ANKRD17: variants seen among roughly 807,000 people sequenced by gnomAD.
ANKRD17 encodes the protein ankyrin repeat domain-containing protein 17.
In ANKRD17, 19 loss-of-function variants were observed where a neutral mutation model predicts 229.7. The ratio of observed to expected loss-of-function variants is 0.08; its 90% CI spans 0.06 to 0.12. The LOEUF (loss-of-function observed/expected upper bound fraction) is 0.12. Ranked by LOEUF, ANKRD17 falls within the 10% of genes least tolerant of loss-of-function variation. The pLI, the probability that ANKRD17 is intolerant of heterozygous loss-of-function variation, is 1.00. For missense variants in ANKRD17, 2,176 were observed against 3,176.8 expected, an observed-to-expected ratio of 0.68 and a Z score of 7.57; for synonymous variants, 1,112 against 1,146.1, an observed-to-expected ratio of 0.97 and a Z score of 0.60.
chr4:73,143,993 G>A (rs1422830812), intron 11 of ANKRD17, among the ~76,000 whole-genome samples: 2 of 152,214 alleles, frequency 1.3e-5, no homozygotes, highest in East Asian at 1.9e-4. Context: ...CTCCTGACTC[G>A]AGGTCCCAAA....
rs35479653 is a variant in ANKRD17 at position 73,246,551 on chromosome 4, CA to C, written c.393+11724del. On this transcript the variant is annotated intron_variant, in intron 1 of 33. Transcript: ENST00000358602. ...TGGCCAGAAGGGTGAGCCCAATTCT[CA>C]AAAAAAACAAAGGTTTAGGTTGGAG... Among the ~76,000 whole-genome samples, 347 of 151,300 alleles carry C rather than the reference CA, an allele frequency of 2.3e-3. 4 individuals carry two copies. Among genetic ancestry groups the C allele is most frequent in the African/African-American group, 7.5e-3 (311 of 41,250 alleles).
chr4:73,219,705 C>T (rs976705353), intron 1 of ANKRD17, among the ~76,000 whole-genome samples: 6 of 152,100 alleles, frequency 3.9e-5, no homozygotes, highest in African/African-American at 7.2e-5. Context: ...TATACCACAA[C>T]CTATAACATC....
chr4:73,180,255 A>G (rs1407730819), intron 1 of ANKRD17, among the ~76,000 whole-genome samples: 1 of 152,178 alleles, frequency 6.6e-6, no homozygotes, highest in Admixed American at 6.5e-5. Flanking sequence ...ATTAATTTGT[A>G]TAAAAGAAGA....
Position 73,092,246 on chromosome 4 carries a change from C to T in ANKRD17, c.5382G>A (p.Lys1794=). 1.2e-6 allele frequency: 2 copies of T among 1,614,030 alleles called. No homozygotes were observed. The highest frequency in any genetic ancestry group is 1.7e-6 in the Non-Finnish European group (2 of 1,180,002). ...QATQLINALI[K]DPDKEIDELI... Reference sequence around the variant, plus strand: ...GTTCATCAATTTCTTTGTCTGGATCCTTGATCAAAGCATTAATCAATTGAG... The same window carrying T: ...GTTCATCAATTTCTTTGTCTGGATCTTTGATCAAAGCATTAATCAATTGAG... Residue 1794 remains lysine (K), a synonymous_variant, in exon 29 of 34, where the codon AAG becomes AAA. Coordinates refer to ENST00000358602, the MANE Select transcript of ANKRD17 (RefSeq NM_032217.5).
At chr4:73,078,462 G>A (rs567937506) in intron 31 of ANKRD17, among the ~76,000 whole-genome samples, 180 bp downstream of exon 31, 7 of 152,042 alleles carry the variant, frequency 4.6e-5, no homozygotes, top group East Asian at 1.9e-4. Context: ...CGCTTGAACC[G>A]GGGAGGTGGA....
At chr4:73,128,510 A>G (rs1389167264) in intron 16 of ANKRD17, among the ~76,000 whole-genome samples, 1 of 152,250 alleles carries the variant, frequency 6.6e-6, no homozygotes, top group Non-Finnish European at 1.5e-5. Flanking sequence ...GGAAAATTTT[A>G]GTGGATCAGT....
At chr4:73,185,448 A>C (rs1286442441) in intron 1 of ANKRD17, among the ~76,000 whole-genome samples, 1 of 151,982 alleles carries the variant, frequency 6.6e-6, no homozygotes, top group African/African-American at 2.4e-5. Context: ...AAAACAAATA[A>C]TCCCCACACT....
At chr4:73,221,235 G>A (rs191373355) in intron 1 of ANKRD17, among the ~76,000 whole-genome samples, 126 of 152,032 alleles carry the variant, frequency 8.3e-4, no homozygotes, top group African/African-American at 3.0e-3. Flanking sequence ...TGAGAATTAG[G>A]AAAACTAAAA....
intron 1 of ANKRD17, among the ~76,000 whole-genome samples, chr4:73,208,913 A>G (rs1739873574): frequency 6.6e-6 from 1 of 152,158 alleles, no homozygotes; most frequent in Non-Finnish European, 1.5e-5. Context: ...TCAATTAAAC[A>G]AAAAATGAAC....
In ANKRD17 at chr4:73,139,780, C is replaced by T. The variant is rs1274101867; in HGVS notation, c.2836G>A (p.Ala946Thr). Residue 946 changes from alanine to threonine, a missense_variant, in exon 15 of 34, where the codon GCT (alanine) becomes ACT (threonine). Ala to Thr is a moderately conservative substitution (Grantham distance 58, BLOSUM62 0). Around this residue, in one of 18 missense-constraint regions of ANKRD17, gnomAD observed 230 missense variants for 252.3 expected, o/e 0.91. Transcript: ENST00000358602. ...LLKDEPQQTA[A>T]QMGFAPIQPL... is the part of the protein sequence containing the mutation. The stretch of plus-strand genomic sequence containing the variant: ...TGGATTGGCGCAAAACCCATCTGAG[C>T]AGCAGTCTGCTGGGGTTCATCTTTA... The T allele has an allele frequency of 6.2e-7, 1 of 1,614,202 alleles. No homozygotes were observed. The highest frequency in any genetic ancestry group is 8.5e-7 in the Non-Finnish European group (1 of 1,180,032).
chr4:73,217,227 C>T (rs1741191993), intron 1 of ANKRD17, among the ~76,000 whole-genome samples: 1 of 152,168 alleles, frequency 6.6e-6, no homozygotes, highest in African/African-American at 2.4e-5. Context: ...AAGAGTAATA[C>T]ATTGATTCAC....
chr4:73,140,184 G>A lies in ANKRD17; in HGVS notation c.2432C>T (p.Ala811Val). ...NQSPESIVEE[A>V]QGKLTELEQR... is the part of the protein sequence containing the mutation. ...TTCCAGTTCTGTTAACTTTCCCTGA[G>A]CCTCTTCTACAATGCTCTCTGGAGA... The change falls in exon 15 of 34, where the codon GCT becomes GTT. Residue 811 changes from alanine (A) to valine (V), a missense_variant. Physicochemically the swap from Ala to Val is moderately conservative, Grantham distance 64. This residue lies in a region of ANKRD17 where 275 missense variants were observed against 386.9 expected (regional missense o/e 0.71). Coordinates refer to ENST00000358602, the MANE Select transcript of ANKRD17 (RefSeq NM_032217.5). 6.2e-7 allele frequency: 1 copy of A among 1,614,038 alleles called. No homozygotes were observed. The highest frequency in any genetic ancestry group is 8.5e-7 in the Non-Finnish European group (1 of 1,180,010).
At position 73,135,996 on chromosome 4, in the gene ANKRD17, T is replaced by C. The variant is rs543066439; in HGVS notation, c.3086-731A>G. ...TATGCACACAAACATTCTTCAAATA[T>C]GGATTACTATTATTCTAAGTATGAT... On this transcript the variant is annotated intron_variant, in intron 15 of 33. Coordinates refer to ENST00000358602, the MANE Select transcript of ANKRD17 (RefSeq NM_032217.5). Among the ~76,000 whole-genome samples, 5 of 152,266 alleles carry C rather than the reference T, an allele frequency of 3.3e-5. No individual in the cohort carries two copies. The East Asian group carries it at 5.8e-4, about 18-fold the overall frequency.
chr4:73,176,915 C>T (rs2148991407), intron 2 of ANKRD17, among the ~76,000 whole-genome samples: 1 of 152,224 alleles, frequency 6.6e-6, no homozygotes, highest in South Asian at 2.1e-4. Flanking sequence ...TAAAACCTGG[C>T]ATTAAATAGG....
intron 15 of ANKRD17, among the ~76,000 whole-genome samples, chr4:73,137,796 T>A: frequency 6.6e-6 from 1 of 152,158 alleles, no homozygotes; most frequent in Middle Eastern, 3.2e-3. Context: ...GCACTTAAAA[T>A]TTTTTTATAC....
chr4:73,091,195 C>A lies in ANKRD17; in HGVS notation c.6433G>T (p.Ala2145Ser). Residue 2145 changes from alanine (A) to serine (S), a missense_variant, in exon 29 of 34, where the codon GCT becomes TCT. Physicochemically the swap from Ala to Ser is moderately conservative, Grantham distance 99 (BLOSUM62 1). Around this residue, in one of 18 missense-constraint regions of ANKRD17, gnomAD observed 424 missense variants for 454.0 expected, o/e 0.93. Transcript: ENST00000358602. The stretch of plus-strand genomic sequence containing the variant: ...GCAGTAGAAGGCACCGCCACTGGAG[C>A]AGAACTTGTTGCTAAAGGAGGAACA... ...MTVPPLATSS[A>S]PVAVPSTAPV... is the part of the protein sequence containing the mutation. The A allele has an allele frequency of 1.2e-6, 2 of 1,614,116 alleles. No homozygotes were observed. The highest frequency in any genetic ancestry group is 1.7e-6 in the Non-Finnish European group (2 of 1,180,024).
intron 1 of ANKRD17, among the ~76,000 whole-genome samples, chr4:73,216,453 TCCC>T (rs1473186555): frequency 2.0e-5 from 3 of 152,146 alleles, no homozygotes; most frequent in Non-Finnish European, 4.4e-5. Flanking sequence ...GCTCTAATAA[TCCC>T]TGACGCTCAA....
intron 29 of ANKRD17, among the ~76,000 whole-genome samples, chr4:73,090,370 A>G (rs1440036809): frequency 6.6e-6 from 1 of 152,212 alleles, no homozygotes; most frequent in Non-Finnish European, 1.5e-5. Flanking sequence ...AGATCATGCC[A>G]CTGCACTCCA....
At chr4:73,239,782 C>A (rs957276176) in intron 1 of ANKRD17, among the ~76,000 whole-genome samples, 2 of 151,954 alleles carry the variant, frequency 1.3e-5, no homozygotes, top group African/African-American at 4.8e-5. Context: ...ATAAAAAAAT[C>A]AAATGGATAA....
Sources: allele counts gnomAD v4.1 joint callset (sites outside exome capture counted in the v4.1 genomes callset), GRCh38; gene constraint gnomAD v4.1.1; regional missense constraint gnomAD v4.1.1; transcripts MANE v1.5; gene names NCBI Gene and HGNC (gene_info 2026-07-23, HGNC 2026-07-21).